The following HK1 variants were observed in gnomAD, a reference collection of about 807,000 sequenced individuals.
The protein encoded by HK1 is hexokinase 1, also known as hexokinase-1.
HK1 carries 28 observed loss-of-function variants against 91.6 expected under a neutral mutation model. That is an observed-to-expected ratio of 0.31 (90% confidence interval 0.23 to 0.42). The LOEUF is 0.42. HK1 is among the 10% of genes least tolerant of loss of function. The probability of loss-of-function intolerance (pLI) is 1.00; values close to 1 mark genes in which losing one functional copy is unlikely to be tolerated. For missense variants in HK1, 770 were observed against 1,219.8 expected (o/e 0.63, Z 5.49); for synonymous variants, 430 against 468.1 (o/e 0.92, Z 1.05).
intron 3 of HK1, among the ~76,000 whole-genome samples, chr10:69,292,614 G>A (rs74138356): frequency 0.023 from 3,471 of 152,260 alleles, 139 homozygotes; most frequent in African/African-American, 0.078. Context: ...AAGAAGAAGA[G>A]CTAATATTTA....
chr10:69,283,512 G>C (rs1397506111), intron 2 of HK1, among the ~76,000 whole-genome samples: 1 of 150,814 alleles, frequency 6.6e-6, no homozygotes, highest in Non-Finnish European at 1.5e-5. Context: ...TGGGCGTGGT[G>C]GTTCATGCCT....
chr10:69,297,628 C>T (rs1263367626), intron 4 of HK1, among the ~76,000 whole-genome samples: 1 of 148,634 alleles, frequency 6.7e-6, no homozygotes, highest in Non-Finnish European at 1.5e-5. Flanking sequence ...GATGTGGTGG[C>T]TTATTCCTGT....
intron 1 of HK1, among the ~76,000 whole-genome samples, chr10:69,327,216 C>T (rs1847435813): frequency 6.6e-6 from 1 of 151,988 alleles, no homozygotes; most frequent in African/African-American, 2.4e-5. Flanking sequence ...GTCTCAAAAT[C>T]CTGACCTCAA....
intron 2 of HK1, among the ~76,000 whole-genome samples, chr10:69,344,337 C>CTCT (rs1848441960): frequency 6.6e-6 from 1 of 152,208 alleles, no homozygotes; most frequent in Admixed American, 6.5e-5. Flanking sequence ...GTGTGGGTTG[C>CTCT]TCTTATGTCT....
chr10:69,301,688 C>T (rs1161775928), intron 5 of HK1, among the ~76,000 whole-genome samples: 1 of 149,998 alleles, frequency 6.7e-6, no homozygotes, highest in Non-Finnish European at 1.5e-5. Flanking sequence ...CTGAAAACTA[C>T]AAAGGATTGT....
chr10:69,302,536 T>A (rs1350333074), intron 5 of HK1, among the ~76,000 whole-genome samples: 1 of 151,428 alleles, frequency 6.6e-6, no homozygotes, highest in Non-Finnish European at 1.5e-5. Context: ...TGAAAACAAT[T>A]CAATGGGGAA....
At chr10:69,326,124 G>T (rs1018898784) in intron 1 of HK1, among the ~76,000 whole-genome samples, 1 of 150,252 alleles carries the variant, frequency 6.7e-6, no homozygotes, top group East Asian at 1.9e-4. Context: ...GTGAGCCACC[G>T]CGCCTGGCCG....
At chr10:69,366,627 T>C (rs539983832) in intron 4 of HK1, among the ~76,000 whole-genome samples, 16 of 152,144 alleles carry the variant, frequency 1.1e-4, no homozygotes, top group Non-Finnish European at 2.4e-4. Flanking sequence ...GTCTGACCTG[T>C]TATGCTTTCA....
At chr10:69,389,104 G>C (rs756401874) in intron 13 of HK1, 93 bp from the exon 14 acceptor site, 38 of 892,588 alleles carry the variant, frequency 4.3e-5, no homozygotes, top group Non-Finnish European at 6.8e-5. Context: ...ATGACCAGTG[G>C]CTCTCTGACT....
At chr10:69,372,516 GT>G (rs1389874071) in intron 7 of HK1, among the ~76,000 whole-genome samples, 2 of 152,168 alleles carry the variant, frequency 1.3e-5, no homozygotes. Flanking sequence ...AGGGAAAGAC[GT>G]TTGCTCCATT....
At chr10:69,295,104 C>T (rs541349161) in intron 3 of HK1, among the ~76,000 whole-genome samples, 1 of 151,778 alleles carries the variant, frequency 6.6e-6, no homozygotes, top group Non-Finnish European at 1.5e-5. Context: ...ACTCATCTTT[C>T]GCAGACCCTG....
rs369170269 is a variant in HK1 at position 69,392,248 on chromosome 10, A to T, written c.2159A>T (p.Asp720Val). The change falls in exon 15 of 18, where the codon GAT becomes GTT. Residue 720 changes from aspartate (D) to valine (V), a missense_variant. By Grantham distance (152) the Asp-to-Val change is radical (BLOSUM62 -3). Coordinates refer to ENST00000359426, the MANE Select transcript of HK1 (RefSeq NM_000188.3). ...TTTGGGGACAACGGGTGTCTGGATGATATCAGGACACACTACGACAGACTG... is the reference window on the plus strand; with the variant it reads ...TTTGGGGACAACGGGTGTCTGGATGTTATCAGGACACACTACGACAGACTG... ...GAFGDNGCLDDIRTHYDRLVD... is the reference protein window; with the variant it reads ...GAFGDNGCLDVIRTHYDRLVD... 3 of 1,614,174 alleles carry T rather than the reference A, an allele frequency of 1.9e-6. No individual in the cohort carries two copies. Among genetic ancestry groups the T allele is most frequent in the Non-Finnish European group, 2.5e-6 (3 of 1,180,024 alleles).
chr10:69,299,529 G>C (rs750673476), intron 4 of HK1, among the ~76,000 whole-genome samples: 11 of 151,566 alleles, frequency 7.3e-5, no homozygotes, highest in South Asian at 2.1e-4. Flanking sequence ...ACCAGGCCCA[G>C]CTAATTTTTG....
chr10:69,285,511 G>A, intron 2 of HK1, among the ~76,000 whole-genome samples: 1 of 152,166 alleles, frequency 6.6e-6, no homozygotes, highest in East Asian at 1.9e-4. Flanking sequence ...GGATTTTTCT[G>A]TTATTAAAAT....
rs763692233 is a variant in HK1, at chr10:69,376,976, T to C, written c.918T>C (p.Val306=). ...MVSGMYLGEL[V]RLILVKMAKE... ...GTGGCATGTACTTGGGAGAGCTGGT[T>C]CGACTGATCCTAGTCAAGATGGCCA... Residue 306 remains valine (V), a synonymous_variant, in exon 8 of 18, where the codon GTT becomes GTC. Transcript: ENST00000359426. 8.7e-6 allele frequency: 14 copies of C among 1,614,082 alleles called. No homozygotes were observed. Among genetic ancestry groups the C allele is most frequent in the Non-Finnish European group, 1.2e-5 (14 of 1,180,046 alleles).
At chr10:69,363,230 GAC>G (rs1849526666) in intron 3 of HK1, among the ~76,000 whole-genome samples, 1 of 152,354 alleles carries the variant, frequency 6.6e-6, no homozygotes, top group African/African-American at 2.4e-5. Context: ...ATGTGAAAGA[GAC>G]AAGGGGTTAG....
chr10:69,283,823 GA>G (rs1039529884), intron 2 of HK1, among the ~76,000 whole-genome samples: 12 of 124,370 alleles, frequency 9.6e-5, no homozygotes, highest in South Asian at 5.5e-4. Flanking sequence ...AAAAAGAAAA[GA>G]AAAAAAGAAA....
intron 17 of HK1, among the ~76,000 whole-genome samples, chr10:69,399,886 C>T (rs180904297): frequency 1.3e-5 from 2 of 152,128 alleles, no homozygotes; most frequent in African/African-American, 2.4e-5. Flanking sequence ...CAACCTCACC[C>T]GACTCAGTGT....
intron 3 of HK1, among the ~76,000 whole-genome samples, chr10:69,293,651 C>T (rs956353774): frequency 6.6e-6 from 1 of 152,134 alleles, no homozygotes; most frequent in Non-Finnish European, 1.5e-5. Context: ...GTCAGACTGG[C>T]TCCCTCAGAG....
Sources: allele counts gnomAD v4.1 joint callset (sites outside exome capture counted in the v4.1 genomes callset), GRCh38; gene constraint gnomAD v4.1.1; transcripts MANE v1.5; gene names NCBI Gene and HGNC (gene_info 2026-07-23, HGNC 2026-07-21).